Variants in EXOC4 observed in about 807,000 individuals in gnomAD.
The protein encoded by EXOC4 is exocyst complex component 4.
EXOC4 carries 71 observed loss-of-function variants against 107.2 expected under a neutral mutation model. That is an observed-to-expected ratio of 0.66 (90% CI 0.55 to 0.81). EXOC4 has a LOEUF of 0.81. Among genes scored for constraint, EXOC4 ranks in the 30% least tolerant of loss-of-function variants. EXOC4 has a pLI of 0.00. For missense variants in EXOC4, 1,108 were observed against 1,189.6 expected, an observed-to-expected ratio of 0.93 and a Z score of 1.01; for synonymous variants, 456 against 441.2, an observed-to-expected ratio of 1.03 and a Z score of -0.42.
intron 1 of EXOC4, among the ~76,000 whole-genome samples, chr7:133,268,437 C>T (rs1380468871): frequency 6.6e-6 from 1 of 152,134 alleles, no homozygotes; most frequent in Admixed American, 6.5e-5. Flanking sequence ...CTTATTTTCA[C>T]AGGTGTGCTT....
At chr7:133,685,744 T>G (rs547856787) in intron 10 of EXOC4, among the ~76,000 whole-genome samples, 1 of 152,276 alleles carries the variant, frequency 6.6e-6, no homozygotes, top group South Asian at 2.1e-4. Context: ...TTTAAAAATT[T>G]CTATAAATTT....
intron 17 of EXOC4, chr7:134,010,277 C>G (rs1794733519): frequency 6.6e-6 from 1 of 152,096 alleles, no homozygotes; most frequent in Admixed American, 6.5e-5. Context: ...GGATGAAGAC[C>G]TTGGATATTG....
rs551617259 is a variant in EXOC4 at position 133,401,489 on chromosome 7, C to G, written c.1182+26487C>G. Among the ~76,000 whole-genome samples, 7 of 151,726 alleles carry G rather than the reference C, an allele frequency of 4.6e-5. No individual in the cohort carries two copies. The South Asian group carries it at 1.5e-3, about 32-fold the overall frequency. On this transcript the variant is annotated intron_variant, in intron 7 of 17. Coordinates refer to ENST00000253861, the MANE Select transcript of EXOC4 (RefSeq NM_021807.4). ...CAGCCTGTGCAATATACTGAGACCC[C>G]CTTCTCTACAAAAAATAAAAACATT...
At chr7:133,923,751 TA>T (rs1488308072) in intron 13 of EXOC4, among the ~76,000 whole-genome samples, 2 of 152,222 alleles carry the variant, frequency 1.3e-5, no homozygotes, top group African/African-American at 4.8e-5. Context: ...ACAGACTTTT[TA>T]AAGTTTTAAT....
chr7:133,742,758 G>A (rs908196240), intron 10 of EXOC4, among the ~76,000 whole-genome samples: 6 of 152,152 alleles, frequency 3.9e-5, no homozygotes, highest in African/African-American at 1.4e-4. Flanking sequence ...ATTTAAAAGG[G>A]AACACATGTA....
chr7:133,486,262 C>CG (rs1431156927), intron 9 of EXOC4, among the ~76,000 whole-genome samples: 1 of 151,958 alleles, frequency 6.6e-6, no homozygotes, highest in Non-Finnish European at 1.5e-5. Context: ...TTAATCTCTT[C>CG]GGGGGTGTCT....
rs142139612 is a variant in EXOC4, at chr7:134,005,050, C to T, written c.2487C>T (p.Ser829=). ...KDISAIEEAM[S]ASLQQHKFQY... ...TCAGCGCCATTGAAGAGGCCATGAG[C>T]GCCAGCCTTCAGCAGCACAAGTTCC... The change falls in exon 16 of 18, where the codon AGC becomes AGT. Residue 829 remains serine, a synonymous_variant. Transcript: ENST00000253861. 3.9e-4 allele frequency: 622 copies of T among 1,613,464 alleles called. 4 individuals are homozygous for T. In the African/African-American group the frequency reaches 7.0e-3, roughly 18 times the overall value.
At chr7:133,863,370 A>T (rs1222121642) in intron 11 of EXOC4, among the ~76,000 whole-genome samples, 3 of 152,228 alleles carry the variant, frequency 2.0e-5, no homozygotes, top group Non-Finnish European at 1.5e-5. Context: ...ATGAAAAATA[A>T]TACACTCTGA....
intron 5 of EXOC4, among the ~76,000 whole-genome samples, chr7:133,347,942 G>A (rs1795824013): frequency 6.6e-6 from 1 of 152,158 alleles, no homozygotes; most frequent in African/African-American, 2.4e-5. Flanking sequence ...GGGAAAGGAA[G>A]TTAAGTATTT....
chr7:133,640,495 A>C (rs899263505), intron 10 of EXOC4, among the ~76,000 whole-genome samples: 3 of 152,234 alleles, frequency 2.0e-5, no homozygotes, highest in African/African-American at 7.2e-5. Flanking sequence ...TTCACAATTT[A>C]AACTTCTTCT....
At chr7:133,552,377 G>A (rs577226414) in intron 9 of EXOC4, among the ~76,000 whole-genome samples, 1 of 152,248 alleles carries the variant, frequency 6.6e-6, no homozygotes, top group African/African-American at 2.4e-5. Context: ...ATGTCTTTGT[G>A]TTACTGCTGT....
intron 7 of EXOC4, among the ~76,000 whole-genome samples, chr7:133,392,694 G>A (rs926185565): frequency 2.2e-4 from 33 of 152,188 alleles, no homozygotes; most frequent in Admixed American, 6.5e-4. Flanking sequence ...CTGGAGAAGA[G>A]CTTGACTCCT....
chr7:133,922,445 A>C (rs999240173), intron 13 of EXOC4, among the ~76,000 whole-genome samples: 1 of 152,060 alleles, frequency 6.6e-6, no homozygotes, highest in African/African-American at 2.4e-5. Context: ...CTGGCTTCTT[A>C]TTTTCCACAT....
chr7:133,990,694 T>C (rs1220850442), intron 14 of EXOC4, among the ~76,000 whole-genome samples: 4 of 152,164 alleles, frequency 2.6e-5, no homozygotes, highest in African/African-American at 9.7e-5. Flanking sequence ...GACCTCGTGA[T>C]CCACCCACCT....
At chr7:133,869,538 A>G (rs532293154) in intron 11 of EXOC4, among the ~76,000 whole-genome samples, 2 of 152,318 alleles carry the variant, frequency 1.3e-5, no homozygotes, top group African/African-American at 2.4e-5. Flanking sequence ...ACACATCTCC[A>G]TAGCATAGTG....
intron 10 of EXOC4, among the ~76,000 whole-genome samples, chr7:133,703,231 A>G (rs1025964171): frequency 1.3e-5 from 2 of 152,242 alleles, no homozygotes; most frequent in Non-Finnish European, 2.9e-5. Context: ...TGTTGGCAAC[A>G]GCATATGTAG....
intron 12 of EXOC4, among the ~76,000 whole-genome samples, chr7:133,899,310 G>A (rs1445074676): frequency 1.3e-5 from 2 of 152,180 alleles, no homozygotes; most frequent in Non-Finnish European, 2.9e-5. Context: ...TGAAAGACAT[G>A]TTTTAAGTTC....
At chr7:133,976,985 T>G (rs931058202) in intron 14 of EXOC4, among the ~76,000 whole-genome samples, 2 of 152,252 alleles carry the variant, frequency 1.3e-5, no homozygotes, top group Non-Finnish European at 2.9e-5. Flanking sequence ...AGGTGGTTCC[T>G]TCTCAATTTC....
At chr7:133,394,789 AG>A (rs1380579941) in intron 7 of EXOC4, among the ~76,000 whole-genome samples, 1 of 152,176 alleles carries the variant, frequency 6.6e-6, no homozygotes, top group Admixed American at 6.6e-5. Flanking sequence ...GGTAGGAGAA[AG>A]AATTTTAATT....
Sources: allele counts gnomAD v4.1 joint callset (sites outside exome capture counted in the v4.1 genomes callset), GRCh38; gene constraint gnomAD v4.1.1; transcripts MANE v1.5; gene names NCBI Gene and HGNC (gene_info 2026-07-23, HGNC 2026-07-21).